Variants in PAFAH1B1 observed in about 807,000 individuals in gnomAD.
The protein encoded by PAFAH1B1 is platelet activating factor acetylhydrolase 1b regulatory subunit 1.
PAFAH1B1 carries 2 observed loss-of-function variants against 57.5 expected under a neutral mutation model. That is an observed-to-expected ratio of 0.03 (90% CI 0.01 to 0.11). PAFAH1B1 has a LOEUF of 0.11. Ranked by LOEUF, PAFAH1B1 falls within the 10% of genes least tolerant of loss-of-function variation. The pLI, the probability that PAFAH1B1 is intolerant of heterozygous loss-of-function variation, is 1.00. For synonymous variants in PAFAH1B1, 152 were observed against 169.6 expected (o/e 0.90, Z 0.81); for missense variants, 257 against 512.0 (o/e 0.50, Z 4.81).
rs1320374072 is a variant in PAFAH1B1 at position 2,682,581 on chromosome 17, G to A, written c.*779G>A. ...TTCCACACTGGACATACTTCTAGTT[G>A]TATTCTCCATACTATTAGACTGTGT... On this transcript the variant is annotated 3_prime_UTR_variant, in exon 11 of 11. Transcript: ENST00000397195. 6.6e-6 allele frequency: 1 copy of A among 152,600 alleles called. No individual in the cohort carries two copies. Among genetic ancestry groups the A allele is most frequent in the Non-Finnish European group, 1.5e-5 (1 of 68,038 alleles). The allele number at this position is 152,600 out of a possible 1,614,324, so 9.5% of individuals were successfully genotyped here.
intron 6 of PAFAH1B1, among the ~76,000 whole-genome samples, chr17:2,672,285 C>CAAAAAAA (rs35332619): frequency 2.9e-5 from 2 of 69,578 alleles, no homozygotes; most frequent in African/African-American, 1.3e-4. Context: ...CCTTGCCTCA[C>CAAAAAAA]AAAAAAAAAA....
chr17:2,610,850 C>T (rs2068259938), intron 1 of PAFAH1B1, among the ~76,000 whole-genome samples: 1 of 152,180 alleles, frequency 6.6e-6, no homozygotes, highest in Admixed American at 6.5e-5. Flanking sequence ...GGAGACCAAT[C>T]ACATCACATG....
chr17:2,665,933 A>G, intron 3 of PAFAH1B1, 83 bp from the exon 4 acceptor site: 1 of 1,277,234 alleles, frequency 7.8e-7, no homozygotes, highest in Non-Finnish European at 1.1e-6. Flanking sequence ...TTTTAGTAAT[A>G]TTTGGACTTA....
intron 10 of PAFAH1B1, among the ~76,000 whole-genome samples, 185 bp downstream of exon 10, chr17:2,680,505 T>C (rs952275347): frequency 6.6e-6 from 1 of 152,206 alleles, no homozygotes; most frequent in Admixed American, 6.5e-5. Flanking sequence ...GTTAACTCTT[T>C]CCATCGTTAG....
At chr17:2,681,701 TTAAA>T (rs555399151) in intron 10 of PAFAH1B1, 24 bp from the exon 11 acceptor site, 114 of 1,587,770 alleles carry the variant, frequency 7.2e-5, no homozygotes, top group African/African-American at 2.2e-4. Flanking sequence ...CGTGTGAGTT[TTAAA>T]TAAACCATTT....
chr17:2,615,664 C>A (rs959034046), intron 1 of PAFAH1B1, among the ~76,000 whole-genome samples: 1 of 152,054 alleles, frequency 6.6e-6, no homozygotes, highest in Non-Finnish European at 1.5e-5. Flanking sequence ...TGGTCTTGAA[C>A]TCCTGACCTC....
chr17:2,598,583 A>G (rs2068108832), intron 1 of PAFAH1B1, among the ~76,000 whole-genome samples: 2 of 151,728 alleles, frequency 1.3e-5, no homozygotes, highest in African/African-American at 2.4e-5. Flanking sequence ...TATGTCATCT[A>G]CAGTACAACT....
chr17:2,658,961 T>C (rs1044797212), intron 2 of PAFAH1B1, among the ~76,000 whole-genome samples: 4 of 152,120 alleles, frequency 2.6e-5, no homozygotes, highest in African/African-American at 9.7e-5. Flanking sequence ...CATAAAAGTT[T>C]AGGAAGTCTT....
intron 1 of PAFAH1B1, among the ~76,000 whole-genome samples, chr17:2,601,991 A>G (rs566651339): frequency 3.6e-4 from 55 of 152,378 alleles, no homozygotes; most frequent in African/African-American, 1.2e-3. Context: ...AAAGTTTATC[A>G]TATATGAATG....
At chr17:2,652,053 A>AGG (rs2068857972) in intron 2 of PAFAH1B1, among the ~76,000 whole-genome samples, 1 of 152,170 alleles carries the variant, frequency 6.6e-6, no homozygotes, top group Non-Finnish European at 1.5e-5. Context: ...TGTCTTTTCC[A>AGG]GAAAATTACA....
chr17:2,674,845 A>G (rs1054416913), intron 8 of PAFAH1B1, among the ~76,000 whole-genome samples: 1 of 152,176 alleles, frequency 6.6e-6, no homozygotes, highest in African/African-American at 2.4e-5. Context: ...TTTATTATTA[A>G]TATGTTAAAA....
At chr17:2,620,867 A>G (rs1296568681) in intron 1 of PAFAH1B1, among the ~76,000 whole-genome samples, 1 of 152,204 alleles carries the variant, frequency 6.6e-6, no homozygotes, top group African/African-American at 2.4e-5. Flanking sequence ...TGTCTCAAAA[A>G]AAAAGTTGCT....
At chr17:2,608,402 T>C (rs79158643) in intron 1 of PAFAH1B1, among the ~76,000 whole-genome samples, 9,401 of 152,272 alleles carry the variant, frequency 0.062, 704 homozygotes, top group African/African-American at 0.18. Context: ...ATATTTTCTT[T>C]ATGTTTAGAC....
At chr17:2,642,538 A>G (rs1263830633) in intron 2 of PAFAH1B1, 1 of 152,216 alleles carries the variant, frequency 6.6e-6, no homozygotes, top group East Asian at 1.9e-4. Context: ...GATACATGCA[A>G]ATATTCCATA....
intron 8 of PAFAH1B1, among the ~76,000 whole-genome samples, chr17:2,675,306 C>T (rs1254139199): frequency 6.6e-6 from 1 of 152,152 alleles, no homozygotes; most frequent in African/African-American, 2.4e-5. Context: ...CCTGGCTTCA[C>T]ATTGATTTTG....
chr17:2,628,446 A>G (rs2068518854), intron 1 of PAFAH1B1, among the ~76,000 whole-genome samples: 1 of 152,102 alleles, frequency 6.6e-6, no homozygotes, highest in Non-Finnish European at 1.5e-5. Flanking sequence ...GGATCAACAC[A>G]TCTTTTTGAT....
In PAFAH1B1 at chr17:2,682,064, A is replaced by C. The variant is rs1003840089; in HGVS notation, c.*262A>C. The C allele has an allele frequency of 1.0e-5, 4 of 389,748 alleles. No individual in the cohort carries two copies. Among genetic ancestry groups the C allele is most frequent in the African/African-American group, 6.2e-5 (3 of 48,696 alleles). 24.1% of individuals were successfully genotyped at this position (389,748 alleles called of 1,614,324 possible). On this transcript the variant is annotated 3_prime_UTR_variant, in exon 11 of 11. Coordinates refer to ENST00000397195, the MANE Select transcript of PAFAH1B1 (RefSeq NM_000430.4). Reference sequence around the variant, plus strand: ...GGCATTGGTCACACCAGGCCTAAGAAGGCAGAAGTTGAATCAATTGAACTA... The same window carrying C: ...GGCATTGGTCACACCAGGCCTAAGACGGCAGAAGTTGAATCAATTGAACTA...
chr17:2,634,616 A>T (rs1256441012), intron 1 of PAFAH1B1, among the ~76,000 whole-genome samples: 1 of 151,750 alleles, frequency 6.6e-6, no homozygotes, highest in East Asian at 1.9e-4. Context: ...AACCTTCATT[A>T]CTGTAAGCTT....
Position 2,613,694 on chromosome 17 carries a change from T to C in PAFAH1B1, c.-191+19688T>C, listed in dbSNP as rs565619991. The C allele has an allele frequency of 1.7e-5, 5 of 288,038 alleles. No individual in the cohort carries two copies. The South Asian group carries it at 3.4e-4, about 20-fold the overall frequency. 17.8% of individuals were successfully genotyped at this position (288,038 alleles called of 1,614,324 possible). A position where few individuals can be genotyped will look rare whatever the true frequency, so the allele number is the denominator to read the frequency against. Reference sequence around the variant, plus strand: ...CCCCTCCGCGAAGCTGCAGACATCATCCATGGTCCACTTGCTGACGTCCTC... The same window carrying C: ...CCCCTCCGCGAAGCTGCAGACATCACCCATGGTCCACTTGCTGACGTCCTC... On this transcript the variant is annotated intron_variant, in intron 1 of 10. Transcript: ENST00000397195.
Sources: allele counts gnomAD v4.1 joint callset (sites outside exome capture counted in the v4.1 genomes callset), GRCh38; gene constraint gnomAD v4.1.1; transcripts MANE v1.5; gene names NCBI Gene and HGNC (gene_info 2026-07-23, HGNC 2026-07-21).